The following LONP2 variants were observed in gnomAD, a reference collection of about 807,000 sequenced individuals.
LONP2 encodes lon peptidase 2, peroxisomal, also known as lon protease homolog 2, peroxisomal.
A neutral mutation model predicts 85.6 loss-of-function variants in LONP2; 60 were observed. The observed-to-expected ratio is 0.70, with a 90% CI of 0.57 to 0.87. The LOEUF (loss-of-function observed/expected upper bound fraction) is 0.87. Ranked by LOEUF, LONP2 falls within the 40% of genes least tolerant of loss-of-function variation. LONP2 has a pLI of 0.00. For synonymous variants in LONP2, 395 were observed against 389.7 expected (o/e 1.01, Z -0.16); for missense variants, 860 against 1,063.5 (o/e 0.81, Z 2.66).
At chr16:48,283,375 T>C (rs1972370991) in intron 8 of LONP2, among the ~76,000 whole-genome samples, 1 of 152,192 alleles carries the variant, frequency 6.6e-6, no homozygotes, top group African/African-American at 2.4e-5. Flanking sequence ...AGGACTTTCA[T>C]GGCTAGAGAA....
intron 9 of LONP2, among the ~76,000 whole-genome samples, chr16:48,297,100 G>A (rs1171158921): frequency 1.3e-5 from 2 of 150,164 alleles, no homozygotes; most frequent in Admixed American, 6.6e-5. Flanking sequence ...CTCCGCCTCC[G>A]AAGTTCAAGT....
chr16:48,285,213 C>T (rs1972413735), intron 8 of LONP2, among the ~76,000 whole-genome samples: 1 of 151,958 alleles, frequency 6.6e-6, no homozygotes, highest in South Asian at 2.1e-4. Context: ...AGCTGTTAAG[C>T]TTGTGGCGGA....
At chr16:48,285,258 C>T (rs1972415025) in intron 8 of LONP2, among the ~76,000 whole-genome samples, 1 of 151,986 alleles carries the variant, frequency 6.6e-6, no homozygotes, top group Admixed American at 6.6e-5. Context: ...ATTTTTCTCT[C>T]ATAGTTTTCA....
intron 8 of LONP2, among the ~76,000 whole-genome samples, chr16:48,284,337 A>G (rs1017222706): frequency 2.6e-5 from 4 of 152,226 alleles, no homozygotes; most frequent in Non-Finnish European, 5.9e-5. Context: ...TTTGAAAGAA[A>G]TTCTACGGTG....
At chr16:48,343,967 A>G (rs1286824890) in intron 12 of LONP2, 1 of 152,230 alleles carries the variant, frequency 6.6e-6, no homozygotes, top group Non-Finnish European at 1.5e-5. Flanking sequence ...CTTCAAGTCT[A>G]GGCCTATCTT....
At chr16:48,246,607 G>A (rs1197488339) in intron 1 of LONP2, among the ~76,000 whole-genome samples, 1 of 152,108 alleles carries the variant, frequency 6.6e-6, no homozygotes, top group Non-Finnish European at 1.5e-5. Flanking sequence ...GTCTCATTCT[G>A]TCTCCTCCGC....
chr16:48,290,059 G>T (rs1972528578), intron 8 of LONP2, among the ~76,000 whole-genome samples: 1 of 151,974 alleles, frequency 6.6e-6, no homozygotes, highest in African/African-American at 2.4e-5. Flanking sequence ...ATAGTGTCAA[G>T]GTCTTCTAGA....
rs939866566 is a variant in LONP2 at position 48,293,284 on chromosome 16, C to T, written c.1384-2731C>T. Among the ~76,000 whole-genome samples the T allele has an allele frequency of 9.2e-5, 14 of 152,162 alleles. No individual in the cohort carries two copies. The East Asian group carries it at 2.5e-3, about 27-fold the overall frequency. On this transcript the variant is annotated intron_variant, in intron 8 of 14. Transcript: ENST00000285737. Reference sequence around the variant, plus strand: ...TCTACTAAAAATACAAAAAAGTAGCCGTGCATGGTGGCGGGCGCCTGTAGT... The same window carrying T: ...TCTACTAAAAATACAAAAAAGTAGCTGTGCATGGTGGCGGGCGCCTGTAGT...
At chr16:48,332,536 A>AC (rs1175717417) in intron 11 of LONP2, among the ~76,000 whole-genome samples, 2 of 152,004 alleles carry the variant, frequency 1.3e-5, no homozygotes, top group African/African-American at 4.8e-5. Context: ...ACATGCTGAA[A>AC]CCCCATCTCT....
intron 11 of LONP2, among the ~76,000 whole-genome samples, chr16:48,333,647 CA>C (rs111794033): frequency 0.086 from 7,501 of 87,460 alleles, 198 homozygotes; most frequent in Middle Eastern, 0.28. Flanking sequence ...GACACCATCT[CA>C]AAAAAAAAAA....
intron 11 of LONP2, among the ~76,000 whole-genome samples, chr16:48,329,972 C>T (rs1473682296): frequency 1.3e-5 from 2 of 151,974 alleles, no homozygotes; most frequent in East Asian, 1.9e-4. Context: ...TAGATTGCTG[C>T]AAAAAAGAAC....
At chr16:48,303,955 T>A (rs1331248712) in intron 11 of LONP2, among the ~76,000 whole-genome samples, 1 of 152,200 alleles carries the variant, frequency 6.6e-6, no homozygotes, top group Non-Finnish European at 1.5e-5. Context: ...CCACTCAGAT[T>A]GAGGGTGGGT....
Position 48,270,076 on chromosome 16 carries a change from A to G in LONP2, c.1043A>G (p.Lys348Arg). 1 of 1,614,026 alleles carries G rather than the reference A, an allele frequency of 6.2e-7. No individual in the cohort carries two copies. The highest frequency in any genetic ancestry group is 8.5e-7 in the Non-Finnish European group (1 of 1,179,948). The change falls in exon 7 of 15, where the codon AAA (lysine) becomes AGA (arginine). Residue 348 changes from lysine to arginine, a missense_variant. By Grantham distance (26) the Lys-to-Arg change is conservative. This residue lies in a region of LONP2 where 743 missense variants were observed against 917.3 expected (regional missense o/e 0.81). Transcript: ENST00000285737. ...GATAATGACCATTACGCCATGGAAAAATTGAAGAAAAGAGTACTGGAATAC... is the reference window on the plus strand; with the variant it reads ...GATAATGACCATTACGCCATGGAAAGATTGAAGAAAAGAGTACTGGAATAC... The part of the protein sequence containing the change: ...LLDNDHYAME[K>R]LKKRVLEYLA...
Position 48,244,331 on chromosome 16 carries a change from C to G in LONP2, c.-58C>G, listed in dbSNP as rs111517081. The G allele has an allele frequency of 6.1e-6, 8 of 1,300,910 alleles. No individual in the cohort carries two copies. Among genetic ancestry groups the G allele is most frequent in the East Asian group, 2.9e-5 (1 of 34,154 alleles). The allele number at this position is 1,300,910 out of a possible 1,614,324, so 80.6% of individuals were successfully genotyped here. A position where few individuals can be genotyped will look rare whatever the true frequency, so the allele number is the denominator to read the frequency against. On this transcript the variant is annotated 5_prime_UTR_variant, in exon 1 of 15. Coordinates refer to ENST00000285737, the MANE Select transcript of LONP2 (RefSeq NM_031490.5). ...GAGGTTTGGTGACTGCGGGGCAGGC[C>G]GGGGGCAGCTGTCTGTCTGGCTCTT...
chr16:48,270,054 A>G lies in LONP2; in HGVS notation c.1021A>G (p.Asn341Asp). Residue 341 changes from asparagine to aspartate, a missense_variant, in exon 7 of 15, where the codon AAT (asparagine) becomes GAT (aspartate). Asn to Asp is a conservative substitution (Grantham distance 23, BLOSUM62 1). This residue lies in a region of LONP2 where 743 missense variants were observed against 917.3 expected (regional missense o/e 0.81). Coordinates refer to ENST00000285737, the MANE Select transcript of LONP2 (RefSeq NM_031490.5). ...DIRAARILLDNDHYAMEKLKK... is the reference protein window; with the variant it reads ...DIRAARILLDDDHYAMEKLKK... The stretch of plus-strand genomic sequence containing the variant: ...TAGGGCAGCCCGGATTCTTCTGGAT[A>G]ATGACCATTACGCCATGGAAAAATT... 4 of 1,614,040 alleles carry G rather than the reference A, an allele frequency of 2.5e-6. No individual in the cohort carries two copies. Among genetic ancestry groups the G allele is most frequent in the Non-Finnish European group, 3.4e-6 (4 of 1,179,938 alleles).
At chr16:48,275,301 G>A (rs1177994469) in intron 7 of LONP2, among the ~76,000 whole-genome samples, 2 of 152,122 alleles carry the variant, frequency 1.3e-5, no homozygotes, top group African/African-American at 4.8e-5. Flanking sequence ...GTATTCAGAG[G>A]CTTGTACTGT....
intron 11 of LONP2, among the ~76,000 whole-genome samples, chr16:48,324,836 A>G (rs1165203307): frequency 6.6e-6 from 1 of 152,118 alleles, no homozygotes; most frequent in Non-Finnish European, 1.5e-5. Context: ...TTTATGGGGT[A>G]TAGTGTGATG....
intron 7 of LONP2, among the ~76,000 whole-genome samples, chr16:48,270,475 G>T (rs1449499396): frequency 6.6e-6 from 1 of 152,162 alleles, no homozygotes; most frequent in African/African-American, 2.4e-5. Flanking sequence ...ACCTTGATTT[G>T]TATGACAGTG....
intron 6 of LONP2, among the ~76,000 whole-genome samples, chr16:48,268,965 T>G (rs1972046938): frequency 6.6e-6 from 1 of 152,194 alleles, no homozygotes; most frequent in Non-Finnish European, 1.5e-5. Flanking sequence ...TCCCATCTTC[T>G]TCTTTCACTG....
Sources: allele counts gnomAD v4.1 joint callset (sites outside exome capture counted in the v4.1 genomes callset), GRCh38; gene constraint gnomAD v4.1.1; regional missense constraint gnomAD v4.1.1; transcripts MANE v1.5; gene names NCBI Gene and HGNC (gene_info 2026-07-23, HGNC 2026-07-21).